HSDL2: variants seen among roughly 807,000 people sequenced by gnomAD.
HSDL2 encodes hydroxysteroid dehydrogenase-like protein 2.
Under a neutral mutation model 46.3 loss-of-function variants are expected in HSDL2, and 27 were observed. The observed-to-expected ratio is 0.58, with a 90% CI of 0.43 to 0.80. The LOEUF (loss-of-function observed/expected upper bound fraction) is 0.80, where lower values mean the gene tolerates loss of function less well. HSDL2 is among the 30% of genes least tolerant of loss of function. The pLI is 0.00. For synonymous variants in HSDL2, 153 were observed against 163.6 expected (o/e 0.94, Z 0.50); for missense variants, 451 against 502.7 (o/e 0.90, Z 0.98).
chr9:112,440,931 C>G (rs1189220288), intron 7 of HSDL2, among the ~76,000 whole-genome samples: 1 of 152,174 alleles, frequency 6.6e-6, no homozygotes, highest in African/African-American at 2.4e-5. Flanking sequence ...TTGCTTGAAC[C>G]TGGGAGGCAG....
chr9:112,385,417 C>T (rs1293128734), intron 1 of HSDL2, among the ~76,000 whole-genome samples: 1 of 151,558 alleles, frequency 6.6e-6, no homozygotes, highest in Non-Finnish European at 1.5e-5. Flanking sequence ...CAACCTCTGC[C>T]TCTTGGGTTC....
intron 1 of HSDL2, among the ~76,000 whole-genome samples, chr9:112,401,314 C>T (rs978902055): frequency 2.6e-5 from 4 of 151,794 alleles, no homozygotes; most frequent in Non-Finnish European, 5.9e-5. Flanking sequence ...AAAACTTTTT[C>T]AGGTGTGGTA....
chr9:112,401,114 A>G (rs779143001), intron 1 of HSDL2, among the ~76,000 whole-genome samples: 1 of 151,954 alleles, frequency 6.6e-6, no homozygotes, highest in Non-Finnish European at 1.5e-5. Context: ...ATTCTTTTTT[A>G]ATGAGTTTAC....
At chr9:112,459,425 A>T in intron 9 of HSDL2, 24 bp from the exon 10 acceptor site, 1 of 1,609,926 alleles carries the variant, frequency 6.2e-7, no homozygotes, top group African/African-American at 1.3e-5. Flanking sequence ...TATGACATTG[A>T]TTTCTATATG....
At position 112,387,856 on chromosome 9, in the gene HSDL2, T is replaced by C. The variant is rs115176255; in HGVS notation, c.17+7676T>C. On this transcript the variant is annotated intron_variant, in intron 1 of 10. Transcript: ENST00000398805. Reference sequence around the variant, plus strand: ...GAATCTAATCATGAAGAAATATCAGTTGAATCCAAAATGAGCATTCAGCCA... The same window carrying C: ...GAATCTAATCATGAAGAAATATCAGCTGAATCCAAAATGAGCATTCAGCCA... 8.7e-3 allele frequency among the ~76,000 whole-genome samples: 1,327 copies of C among 152,224 alleles called. 19 individuals carry two copies. Among genetic ancestry groups the C allele is most frequent in the African/African-American group, 0.03 (1,257 of 41,546 alleles).
At chr9:112,420,617 G>A (rs1832097965) in intron 6 of HSDL2, among the ~76,000 whole-genome samples, 1 of 152,018 alleles carries the variant, frequency 6.6e-6, no homozygotes. Context: ...GCTGCAGTGA[G>A]CCATGGTCAT....
In HSDL2 at chr9:112,438,470, G is replaced by A. The variant is rs780852073; in HGVS notation, c.638G>A (p.Gly213Asp). The change falls in exon 7 of 11, where the codon GGT becomes GAT. Residue 213 changes from glycine to aspartate, a missense_variant. By Grantham distance (94) the Gly-to-Asp change is moderately conservative. Transcript: ENST00000398805. The stretch of plus-strand genomic sequence containing the variant: ...GCTATGGATATGCTGGGAGGACCTG[G>A]TATCGAAAGCCAGTGTAGAAAAGTT... Reference protein sequence around the residue: ...TAAMDMLGGPGIESQCRKVDI... With the variant: ...TAAMDMLGGPDIESQCRKVDI... 6.2e-7 allele frequency: 1 copy of A among 1,609,482 alleles called. No individual in the cohort carries two copies. Among genetic ancestry groups the A allele is most frequent in the Non-Finnish European group, 8.5e-7 (1 of 1,178,186 alleles).
chr9:112,381,907 T>C (rs10981375), intron 1 of HSDL2, among the ~76,000 whole-genome samples: 45,595 of 152,070 alleles, frequency 0.3, 7,074 homozygotes, highest in Admixed American at 0.42. Context: ...TAAGTGTATA[T>C]GTAGGATAAA....
intron 1 of HSDL2, among the ~76,000 whole-genome samples, chr9:112,401,589 G>A (rs548891587): frequency 1.3e-5 from 2 of 152,232 alleles, no homozygotes; most frequent in South Asian, 4.2e-4. Flanking sequence ...ACACAGACAG[G>A]TGGTGGGTCA....
chr9:112,443,043 A>G (rs1832675089), intron 8 of HSDL2, among the ~76,000 whole-genome samples: 1 of 152,190 alleles, frequency 6.6e-6, no homozygotes, highest in Non-Finnish European at 1.5e-5. Context: ...CAAGACTGTC[A>G]GTCTGTTTCT....
At chr9:112,428,144 A>T (rs1832295056) in intron 6 of HSDL2, among the ~76,000 whole-genome samples, 1 of 152,210 alleles carries the variant, frequency 6.6e-6, no homozygotes, top group Admixed American at 6.5e-5. Flanking sequence ...GAAACAAAGG[A>T]CTATGGGTGA....
chr9:112,448,999 T>G (rs371045717), intron 8 of HSDL2, among the ~76,000 whole-genome samples: 12 of 20,656 alleles, frequency 5.8e-4, no homozygotes, highest in African/African-American at 3.3e-3. Context: ...ATTTGAAGTT[T>G]CAAAACCTGT....
chr9:112,411,583 G>A (rs951859579), intron 4 of HSDL2, among the ~76,000 whole-genome samples: 2 of 152,200 alleles, frequency 1.3e-5, no homozygotes, highest in Admixed American at 6.5e-5. Context: ...GCTGAGGCAG[G>A]AGAATCGCTT....
chr9:112,402,313 G>C (rs781049085), intron 1 of HSDL2, among the ~76,000 whole-genome samples: 1 of 152,116 alleles, frequency 6.6e-6, no homozygotes, highest in Non-Finnish European at 1.5e-5. Context: ...TAATGAAATG[G>C]GGGGAGGCCA....
chr9:112,380,480 G>A (rs894662042), intron 1 of HSDL2, among the ~76,000 whole-genome samples: 10 of 152,216 alleles, frequency 6.6e-5, no homozygotes, highest in South Asian at 2.1e-4. Context: ...CCTGAGTTTA[G>A]CAGGAGTGCG....
chr9:112,387,308 G>A (rs973321142), intron 1 of HSDL2, among the ~76,000 whole-genome samples: 1 of 151,354 alleles, frequency 6.6e-6, no homozygotes, highest in Non-Finnish European at 1.5e-5. Flanking sequence ...CAACCTCCGT[G>A]TCATGGGCTC....
In HSDL2 at chr9:112,461,221, G is replaced by A. The variant is rs546244890; in HGVS notation, c.1144+1644G>A. Reference sequence around the variant, plus strand: ...GCCTCCAGAGTCGCTGGGATTACAGGTGCCCGCCACCATGCCTGGCTAATT... The same window carrying A: ...GCCTCCAGAGTCGCTGGGATTACAGATGCCCGCCACCATGCCTGGCTAATT... On this transcript the variant is annotated intron_variant, in intron 10 of 10. Coordinates refer to ENST00000398805, the MANE Select transcript of HSDL2 (RefSeq NM_032303.5). 6.1e-4 allele frequency among the ~76,000 whole-genome samples: 93 copies of A among 152,148 alleles called. 1 individual carries two copies. The highest frequency in any genetic ancestry group is 2.2e-3 in the African/African-American group (93 of 41,504).
intron 1 of HSDL2, among the ~76,000 whole-genome samples, chr9:112,402,021 G>A (rs1477062343): frequency 3.3e-5 from 5 of 151,912 alleles, no homozygotes; most frequent in African/African-American, 1.2e-4. Flanking sequence ...CCTCTGGGTC[G>A]TGCAAGAGTT....
intron 1 of HSDL2, among the ~76,000 whole-genome samples, chr9:112,381,998 G>A (rs1298089130): frequency 6.6e-6 from 1 of 152,204 alleles, no homozygotes; most frequent in Non-Finnish European, 1.5e-5. Context: ...AGCACTTTGG[G>A]AGGCCGAGGC....
Sources: allele counts gnomAD v4.1 joint callset (sites outside exome capture counted in the v4.1 genomes callset), GRCh38; gene constraint gnomAD v4.1.1; transcripts MANE v1.5; gene names NCBI Gene and HGNC (gene_info 2026-07-23, HGNC 2026-07-21).